The following TRIP12 variants were observed in gnomAD, a reference collection of about 807,000 sequenced individuals.
TRIP12 encodes E3 ubiquitin-protein ligase TRIP12.
In TRIP12, 25 loss-of-function variants were observed where a neutral mutation model predicts 244.2. The observed-to-expected ratio is 0.10, with a 90% CI of 0.07 to 0.14. The LOEUF (loss-of-function observed/expected upper bound fraction) is 0.14. Ranked by LOEUF, TRIP12 falls within the 10% of genes least tolerant of loss-of-function variation. The probability of loss-of-function intolerance (pLI) is 1.00; values close to 1 mark genes in which losing one functional copy is unlikely to be tolerated. For missense variants in TRIP12, 1,677 were observed against 2,486.4 expected (o/e 0.67, Z 6.92); for synonymous variants, 905 against 873.1 (o/e 1.04, Z -0.64).
chr2:229,863,195 C>T (rs1459809371), intron 2 of TRIP12, among the ~76,000 whole-genome samples: 2 of 148,872 alleles, frequency 1.3e-5, no homozygotes, highest in African/African-American at 5.0e-5. Context: ...TGTCACTGTA[C>T]TCCAGCCTGG....
In TRIP12 at chr2:229,764,589, G is replaced by C. The variant is rs2031238308; in HGVS notation, c.*2965C>G. 6.6e-6 allele frequency: 1 copy of C among 152,218 alleles called. No individual in the cohort carries two copies. Among genetic ancestry groups the C allele is most frequent in the Admixed American group, 6.5e-5 (1 of 15,280 alleles). 9.4% of individuals were successfully genotyped at this position (152,218 alleles called of 1,614,324 possible). The stretch of plus-strand genomic sequence containing the variant: ...GACAGGAGTCGAGAGTACAGCTGCA[G>C]CACCTGCTAAGCCAGAAGGAAGACG... On this transcript the variant is annotated 3_prime_UTR_variant, in exon 42 of 42. Transcript: ENST00000675903.
intron 1 of TRIP12, among the ~76,000 whole-genome samples, chr2:229,881,028 G>A (rs1370001830): frequency 6.6e-6 from 1 of 152,162 alleles, no homozygotes; most frequent in Non-Finnish European, 1.5e-5. Flanking sequence ...AGAGTAAATT[G>A]AGCAATGGTC....
intron 2 of TRIP12, among the ~76,000 whole-genome samples, chr2:229,878,442 T>TA (rs1473095966): frequency 3.3e-5 from 5 of 149,318 alleles, no homozygotes; most frequent in African/African-American, 1.2e-4. Flanking sequence ...AGCAACTGTT[T>TA]TAAAAAAAAA....
intron 21 of TRIP12, 62 bp from the exon 22 acceptor site, chr2:229,799,445 T>G (rs2043657308): frequency 6.8e-7 from 1 of 1,467,366 alleles, no homozygotes. Flanking sequence ...CTTCACTCAC[T>G]GAAAAAGCAA....
chr2:229,831,235 T>C, intron 6 of TRIP12: 2 of 672,752 alleles, frequency 3.0e-6, no homozygotes, highest in Admixed American at 2.5e-5. Context: ...AAAGGCAAAA[T>C]AGACATTTGG....
intron 1 of TRIP12, among the ~76,000 whole-genome samples, chr2:229,909,515 G>A (rs1463373650): frequency 1.3e-5 from 2 of 151,452 alleles, no homozygotes; most frequent in Non-Finnish European, 2.9e-5. Context: ...CAGTGACTGT[G>A]CCACTGGACT....
intron 1 of TRIP12, among the ~76,000 whole-genome samples, chr2:229,892,024 G>C (rs1027653845): frequency 3.9e-5 from 6 of 152,238 alleles, no homozygotes; most frequent in Non-Finnish European, 8.8e-5. Context: ...GACATTCATA[G>C]ACAGAACATT....
upstream of TRIP12, chr2:229,922,523 T>C (rs370957305): frequency 1.8e-5 from 29 of 1,613,798 alleles, no homozygotes; most frequent in African/African-American, 3.5e-4. Context: ...GATGGCGTCG[T>C]GGCTGCCGGA....
intron 4 of TRIP12, among the ~76,000 whole-genome samples, chr2:229,850,522 G>C (rs995801933): frequency 2.6e-5 from 4 of 152,218 alleles, no homozygotes; most frequent in Admixed American, 2.0e-4. Flanking sequence ...CCTGCAAGAT[G>C]CAAGTTGGTG....
intron 8 of TRIP12, among the ~76,000 whole-genome samples, chr2:229,822,700 A>C (rs1272366808): frequency 6.6e-6 from 1 of 152,184 alleles, no homozygotes; most frequent in East Asian, 1.9e-4. Flanking sequence ...TAGACTTATA[A>C]AGAGGCAGGA....
chr2:229,839,094 C>G (rs1053122237), intron 5 of TRIP12, among the ~76,000 whole-genome samples: 5 of 152,156 alleles, frequency 3.3e-5, no homozygotes, highest in African/African-American at 9.7e-5. Context: ...AAGGACGAAC[C>G]ACGTATATGA....
chr2:229,814,311 C>T lies in TRIP12; in HGVS notation c.1746G>A (p.Gln582=). ...PVFLEKLQVI[Q]CIDVAEQALT... ...AGGCCTGCTCTGCCACATCAATACA[C>T]TGAATAACTTGCAGCTGGGAACATA... Residue 582 remains glutamine, a synonymous_variant, in exon 12 of 42, where the codon CAG becomes CAA. Transcript: ENST00000675903. 5 of 1,614,054 alleles carry T rather than the reference C, an allele frequency of 3.1e-6. No individual in the cohort carries two copies. The highest frequency in any genetic ancestry group is 4.2e-6 in the Non-Finnish European group (5 of 1,179,948).
In TRIP12 at chr2:229,799,040, G is replaced by A; in HGVS notation, c.3317C>T (p.Pro1106Leu). 6.2e-7 allele frequency: 1 copy of A among 1,613,682 alleles called. No individual in the cohort carries two copies. Among genetic ancestry groups the A allele is most frequent in the Non-Finnish European group, 8.5e-7 (1 of 1,179,918 alleles). The change falls in exon 23 of 42, where the codon CCC (proline) becomes CTC (leucine). Residue 1106 changes from proline (P) to leucine (L), a missense_variant. Coordinates refer to ENST00000675903, the MANE Select transcript of TRIP12 (RefSeq NM_001348323.3). Reference sequence around the variant, plus strand: ...AGATTTAGGTGACTGAGTAGTGGTGGGGCTTTTAGCTATGAAAAGAAAAAA... The same window carrying A: ...AGATTTAGGTGACTGAGTAGTGGTGAGGCTTTTAGCTATGAAAAGAAAAAA... ...DDKVDNQAKS[P>L]TTTQSPKSSF...
chr2:229,847,537 T>A (rs923253028), intron 4 of TRIP12, among the ~76,000 whole-genome samples: 3 of 152,182 alleles, frequency 2.0e-5, no homozygotes, highest in Non-Finnish European at 2.9e-5. Context: ...ATGAGAAGAA[T>A]GGAAGACACT....
intron 2 of TRIP12, among the ~76,000 whole-genome samples, chr2:229,871,099 G>A (rs1407226716): frequency 1.0e-4 from 15 of 150,240 alleles, no homozygotes; most frequent in Admixed American, 9.3e-4. Flanking sequence ...ACCTAAGCCT[G>A]AGAGACAGAG....
chr2:229,788,748 C>T (rs2040701041), intron 32 of TRIP12, 50 bp downstream of exon 32: 1 of 1,591,812 alleles, frequency 6.3e-7, no homozygotes. Context: ...TACATCAAGA[C>T]CAACCCAGTA....
At chr2:229,888,243 T>C (rs1025623740) in intron 1 of TRIP12, among the ~76,000 whole-genome samples, 1 of 152,054 alleles carries the variant, frequency 6.6e-6, no homozygotes. Context: ...GGTATCCAGG[T>C]AGAGTTTCAA....
intron 30 of TRIP12, 51 bp downstream of exon 30, chr2:229,791,073 G>A: frequency 6.3e-7 from 1 of 1,598,522 alleles, no homozygotes; most frequent in South Asian, 1.1e-5. Context: ...TCATGAAAAT[G>A]GGAAGATTGC....
chr2:229,833,387 A>C (rs2154300983), intron 6 of TRIP12, among the ~76,000 whole-genome samples: 1 of 152,306 alleles, frequency 6.6e-6, no homozygotes, highest in East Asian at 1.9e-4. Flanking sequence ...TCCAGGGCTC[A>C]AGCGATCCTC....
Sources: allele counts gnomAD v4.1 joint callset (sites outside exome capture counted in the v4.1 genomes callset), GRCh38; gene constraint gnomAD v4.1.1; transcripts MANE v1.5; gene names NCBI Gene and HGNC (gene_info 2026-07-23, HGNC 2026-07-21).